NTM: variants seen among roughly 807,000 people sequenced by gnomAD.
NTM encodes the protein IgLON family member 2.
NTM carries 13 observed loss-of-function variants against 42.1 expected under a neutral mutation model. That is an observed-to-expected ratio of 0.31 (90% CI 0.20 to 0.49). NTM has a LOEUF of 0.49. NTM is among the 20% of genes least tolerant of loss of function. The probability of loss-of-function intolerance (pLI) is 0.99; values close to 1 mark genes in which losing one functional copy is unlikely to be tolerated. For synonymous variants in NTM, 187 were observed against 179.2 expected (o/e 1.04, Z -0.35); for missense variants, 373 against 452.8 (o/e 0.82, Z 1.60).
chr11:131,789,542 GAAGA>G lies in NTM; in HGVS notation c.83-122019_83-122016del, dbSNP rs1344635603. ...AGAAGAAGAAGAAGAAGAAGAAGAA[GAAGA>G]AAAGAAGAAGAAGAAGAAGAAGAAG... On this transcript the variant is annotated intron_variant, in intron 1 of 8. Transcript: ENST00000683400. 7.9e-4 allele frequency among the ~76,000 whole-genome samples: 15 copies of G among 19,016 alleles called. 4 individuals are homozygous for G. Among genetic ancestry groups the G allele is most frequent in the African/African-American group, 2.1e-3 (7 of 3,394 alleles). The allele number at this position is 19,016 out of a possible 152,430, so 12.5% of individuals were successfully genotyped here.
chr11:132,297,972 G>A (rs1389174783), intron 4 of NTM, among the ~76,000 whole-genome samples: 1 of 152,176 alleles, frequency 6.6e-6, no homozygotes, highest in Non-Finnish European at 1.5e-5. Flanking sequence ...AAAATGTATT[G>A]ATGGCTAAAT....
At chr11:131,991,121 T>A (rs755108370) in intron 2 of NTM, among the ~76,000 whole-genome samples, 5 of 152,218 alleles carry the variant, frequency 3.3e-5, no homozygotes, top group Non-Finnish European at 4.4e-5. Context: ...CCATTCTAAC[T>A]ACTGAGGAGC....
At chr11:131,583,338 C>G (rs1565665708) in intron 1 of NTM, among the ~76,000 whole-genome samples, 2 of 152,160 alleles carry the variant, frequency 1.3e-5, no homozygotes, top group East Asian at 1.9e-4. Context: ...ATTTCATTAT[C>G]TAGTTCTTTA....
chr11:132,265,890 G>A (rs533523873), intron 4 of NTM, among the ~76,000 whole-genome samples: 2 of 152,156 alleles, frequency 1.3e-5, no homozygotes, highest in African/African-American at 2.4e-5. Context: ...AAACACATCC[G>A]CAGGTGGCAG....
intron 1 of NTM, among the ~76,000 whole-genome samples, chr11:131,755,890 A>T (rs1382705675): frequency 1.3e-5 from 2 of 152,256 alleles, no homozygotes; most frequent in African/African-American, 4.8e-5. Flanking sequence ...TCAAAATTTT[A>T]TTCGAGGAGA....
In NTM at chr11:131,863,910, A is replaced by G. The variant is rs117962056; in HGVS notation, c.83-47654A>G. On this transcript the variant is annotated intron_variant, in intron 1 of 8. Coordinates refer to ENST00000683400, the MANE Select transcript of NTM (RefSeq NM_001352005.2). ...ATATCAGAGCTAGTTTTGATGACATACTATGTAACTGAACATAATCAAGTT... is the reference window on the plus strand; with the variant it reads ...ATATCAGAGCTAGTTTTGATGACATGCTATGTAACTGAACATAATCAAGTT... Among the ~76,000 whole-genome samples, 862 of 152,352 alleles carry G rather than the reference A, an allele frequency of 5.7e-3. 6 individuals are homozygous for G. Among genetic ancestry groups the G allele is most frequent in the Non-Finnish European group, 8.9e-3 (606 of 68,042 alleles).
chr11:131,479,732 G>A (rs953703255), intron 1 of NTM, among the ~76,000 whole-genome samples: 15 of 152,292 alleles, frequency 9.8e-5, no homozygotes, highest in Middle Eastern at 3.4e-3. Context: ...CAGGGATGGA[G>A]GGAAGGGAGT....
At chr11:131,916,469 C>T (rs2056395077) in intron 2 of NTM, among the ~76,000 whole-genome samples, 1 of 152,078 alleles carries the variant, frequency 6.6e-6, no homozygotes, top group African/African-American at 2.4e-5. Flanking sequence ...GTTGTTTTTC[C>T]CGGGTGAGTT....
chr11:132,078,792 G>T (rs1370694219), intron 2 of NTM, among the ~76,000 whole-genome samples: 1 of 152,154 alleles, frequency 6.6e-6, no homozygotes, highest in Non-Finnish European at 1.5e-5. Context: ...TCAAAATGTT[G>T]TTCTTTAAGA....
At chr11:131,418,574 G>A (rs886732868) in intron 1 of NTM, among the ~76,000 whole-genome samples, 5 of 152,186 alleles carry the variant, frequency 3.3e-5, no homozygotes, top group Non-Finnish European at 5.9e-5. Flanking sequence ...GGTGGAGGCC[G>A]GCACAGGGAT....
intron 3 of NTM, among the ~76,000 whole-genome samples, chr11:132,159,960 G>A (rs2073961852): frequency 6.6e-6 from 1 of 152,212 alleles, no homozygotes; most frequent in Admixed American, 6.5e-5. Context: ...TTACGGTGTG[G>A]CTTTCATCTC....
intron 1 of NTM, among the ~76,000 whole-genome samples, chr11:131,528,774 A>C (rs769251921): frequency 3.3e-5 from 5 of 152,208 alleles, no homozygotes; most frequent in Non-Finnish European, 5.9e-5. Flanking sequence ...GCTTGATCCC[A>C]GAATTCTCTT....
chr11:132,115,969 C>T (rs1394785869), intron 2 of NTM, among the ~76,000 whole-genome samples: 5 of 152,188 alleles, frequency 3.3e-5, no homozygotes, highest in Non-Finnish European at 7.3e-5. Context: ...CTCTTTGCCC[C>T]ATTCATCCAT....
intron 1 of NTM, among the ~76,000 whole-genome samples, chr11:131,814,974 G>A (rs370737682): frequency 2.6e-5 from 4 of 151,864 alleles, no homozygotes; most frequent in African/African-American, 7.3e-5. Context: ...AACACACTGC[G>A]GGCCATGGAT....
intron 2 of NTM, among the ~76,000 whole-genome samples, chr11:131,997,668 C>T (rs149175464): frequency 6.6e-6 from 1 of 152,196 alleles, no homozygotes; most frequent in East Asian, 1.9e-4. Context: ...TATCTTTTCG[C>T]TCTCTTTCTT....
intron 2 of NTM, among the ~76,000 whole-genome samples, chr11:131,947,137 T>C (rs949033862): frequency 1.3e-5 from 2 of 152,198 alleles, no homozygotes; most frequent in Non-Finnish European, 2.9e-5. Context: ...AAAAAATGTC[T>C]AATTTATATA....
intron 2 of NTM, among the ~76,000 whole-genome samples, chr11:131,915,914 C>A (rs1480872199): frequency 6.6e-6 from 1 of 152,194 alleles, no homozygotes; most frequent in African/African-American, 2.4e-5. Context: ...ATGGGAGCTA[C>A]AATTCAAGAT....
intron 1 of NTM, among the ~76,000 whole-genome samples, chr11:131,885,417 C>T (rs1422569120): frequency 1.3e-5 from 2 of 152,184 alleles, no homozygotes; most frequent in Non-Finnish European, 2.9e-5. Context: ...CCAGCTGACA[C>T]ATAAAAATGG....
intron 1 of NTM, among the ~76,000 whole-genome samples, chr11:131,793,680 A>G (rs2091224594): frequency 6.6e-6 from 1 of 152,106 alleles, no homozygotes. Context: ...AAACCCCTAT[A>G]TTATCCTGTC....
Sources: allele counts gnomAD v4.1 joint callset (sites outside exome capture counted in the v4.1 genomes callset), GRCh38; gene constraint gnomAD v4.1.1; transcripts MANE v1.5; gene names NCBI Gene and HGNC (gene_info 2026-07-23, HGNC 2026-07-21).